Variants in GCH1 observed in about 807,000 individuals in gnomAD.
GCH1 encodes the protein GTP cyclohydrolase 1.
GCH1 carries 5 observed loss-of-function variants against 25.9 expected under a neutral mutation model. The ratio of observed to expected loss-of-function variants is 0.19; its 90% CI spans 0.10 to 0.41. The LOEUF (loss-of-function observed/expected upper bound fraction) is 0.41, where lower values mean the gene tolerates loss of function less well. GCH1 is among the 10% of genes least tolerant of loss of function. The pLI, the probability that GCH1 is intolerant of heterozygous loss-of-function variation, is 1.00. For missense variants in GCH1, 261 were observed against 336.5 expected (o/e 0.78, Z 1.75); for synonymous variants, 159 against 129.6 (o/e 1.23, Z -1.54).
At chr14:54,871,479 C>A (rs570235425) in intron 1 of GCH1, among the ~76,000 whole-genome samples, 15 of 152,220 alleles carry the variant, frequency 9.9e-5, no homozygotes, top group African/African-American at 3.4e-4. Context: ...TCACCAGCAA[C>A]GGAACAAAGC....
In GCH1 at chr14:54,843,832, G is replaced by A. The variant is rs748511211; in HGVS notation, c.*185C>T. On this transcript the variant is annotated 3_prime_UTR_variant, in exon 6 of 6. Transcript: ENST00000491895. ...GCCACAAAAAGGTGGCAAGAAGAAA[G>A]TAGAGGGCTCAACCCTTTATTATAT... 6.2e-7 allele frequency: 1 copy of A among 1,613,020 alleles called. No homozygotes were observed. The highest frequency in any genetic ancestry group is 1.1e-5 in the South Asian group (1 of 91,036).
At chr14:54,884,492 G>A (rs979587280) in intron 1 of GCH1, among the ~76,000 whole-genome samples, 7 of 152,076 alleles carry the variant, frequency 4.6e-5, no homozygotes, top group South Asian at 2.1e-4. Context: ...ACAGTAGGCC[G>A]GGCGCAGTGG....
intron 2 of GCH1, among the ~76,000 whole-genome samples, chr14:54,862,288 C>G (rs1361846589): frequency 1.3e-5 from 2 of 152,014 alleles, no homozygotes; most frequent in African/African-American, 4.8e-5. Flanking sequence ...ACCTTGACTT[C>G]CCAAGTCGCT....
intron 3 of GCH1, among the ~76,000 whole-genome samples, chr14:54,854,452 C>G (rs577780384): frequency 8.0e-4 from 122 of 152,216 alleles, no homozygotes; most frequent in African/African-American, 2.8e-3. Context: ...TTCTGCCTCA[C>G]TCCTCACCCC....
Position 54,843,322 on chromosome 14 carries a change from A to T in GCH1, c.*695T>A, listed in dbSNP as rs996768677. The T allele has an allele frequency of 1.4e-4, 191 of 1,319,506 alleles. 1 individual carries two copies. The highest frequency in any genetic ancestry group is 1.8e-4 in the Non-Finnish European group (187 of 1,038,660). 81.7% of individuals were successfully genotyped at this position (1,319,506 alleles called of 1,614,324 possible). A position where few individuals can be genotyped will look rare whatever the true frequency, so the allele number is the denominator to read the frequency against. On this transcript the variant is annotated 3_prime_UTR_variant, in exon 6 of 6. Transcript: ENST00000491895. ...CAAGGCACAGAGAGTTAAATGTCTA[A>T]ATCCCTGTATGTTGACACGAGAATA...
intron 1 of GCH1, among the ~76,000 whole-genome samples, chr14:54,894,593 T>C (rs2040461830): frequency 6.6e-6 from 1 of 152,204 alleles, no homozygotes; most frequent in South Asian, 2.1e-4. Flanking sequence ...TTATGTATAT[T>C]GATTTTTCTT....
chr14:54,869,078 A>C (rs1409802553), intron 1 of GCH1, among the ~76,000 whole-genome samples: 1 of 147,252 alleles, frequency 6.8e-6, no homozygotes, highest in Non-Finnish European at 1.5e-5. Flanking sequence ...TCACTCTGTC[A>C]CCCAGGCTGG....
intron 3 of GCH1, among the ~76,000 whole-genome samples, chr14:54,857,373 A>G (rs2039826997): frequency 6.6e-6 from 1 of 152,218 alleles, no homozygotes; most frequent in Admixed American, 6.5e-5. Flanking sequence ...GAATCACTCA[A>G]GAGTCCATTT....
chr14:54,851,443 G>A (rs1233954207), intron 3 of GCH1, among the ~76,000 whole-genome samples: 1 of 152,192 alleles, frequency 6.6e-6, no homozygotes, highest in Non-Finnish European at 1.5e-5. Flanking sequence ...GCAACCTACA[G>A]AATGGGAGAA....
At chr14:54,860,524 A>T (rs112201394) in intron 2 of GCH1, among the ~76,000 whole-genome samples, 10 of 147,354 alleles carry the variant, frequency 6.8e-5, no homozygotes, top group African/African-American at 2.0e-4. Context: ...GCTGCTAGAG[A>T]GTGCACCATC....
chr14:54,843,665 C>A lies in GCH1; in HGVS notation c.*352G>T, dbSNP rs2140038081. On this transcript the variant is annotated 3_prime_UTR_variant, in exon 6 of 6. Transcript: ENST00000491895. ...ATACTGGGCACAGTTCCCTCTCATT[C>A]CCAATGCTCCTATGCTTATGAGGCA... 1 of 1,575,600 alleles carries A rather than the reference C, an allele frequency of 6.3e-7. No individual in the cohort carries two copies. The highest frequency in any genetic ancestry group is 1.4e-5 in the African/African-American group (1 of 73,158).
At position 54,880,856 on chromosome 14, in the gene GCH1, TATACTCC is replaced by T. The variant is rs201177497; in HGVS notation, c.344-15427_344-15421del. On this transcript the variant is annotated intron_variant, in intron 1 of 5. Coordinates refer to ENST00000491895, the MANE Select transcript of GCH1 (RefSeq NM_000161.3). ...CATATATATATATACTCCATATATA[TATACTCC>T]ATAATATATGGAGTGTAATGCTGCA... Among the ~76,000 whole-genome samples, 109 of 90,730 alleles carry T rather than the reference TATACTCC, an allele frequency of 1.2e-3. 19 individuals are homozygous for T. Among genetic ancestry groups the T allele is most frequent in the African/African-American group, 6.4e-3 (87 of 13,592 alleles). 59.5% of individuals were successfully genotyped at this position (90,730 alleles called of 152,430 possible). A position where few individuals can be genotyped will look rare whatever the true frequency, so the allele number is the denominator to read the frequency against.
At chr14:54,886,249 C>CG (rs1351011800) in intron 1 of GCH1, 18 of 152,880 alleles carry the variant, frequency 1.2e-4, no homozygotes, top group African/African-American at 4.3e-4. Flanking sequence ...GCTTGGACAG[C>CG]ATTTTTCAAA....
At chr14:54,872,446 G>A (rs894714919) in intron 1 of GCH1, among the ~76,000 whole-genome samples, 1 of 152,122 alleles carries the variant, frequency 6.6e-6, no homozygotes, top group Non-Finnish European at 1.5e-5. Context: ...CAACTAACGA[G>A]CAAAATAACC....
intron 5 of GCH1, among the ~76,000 whole-genome samples, chr14:54,845,392 C>T (rs576249023): frequency 2.2e-4 from 33 of 151,638 alleles, no homozygotes; most frequent in African/African-American, 7.3e-4. Context: ...GCAGGAGAAT[C>T]GCTTGAACCC....
In GCH1 at chr14:54,843,102, A is replaced by G. The variant is rs1566658135; in HGVS notation, c.*915T>C. 6.8e-7 allele frequency: 1 copy of G among 1,473,004 alleles called. No individual in the cohort carries two copies. 91.2% of individuals were successfully genotyped at this position (1,473,004 alleles called of 1,614,324 possible). A position where few individuals can be genotyped will look rare whatever the true frequency, so the allele number is the denominator to read the frequency against. ...AATGTTTCTGGAAATACTTAGAAAA[A>G]TATCTTATAAGATTAAAAAAAAGAA... On this transcript the variant is annotated 3_prime_UTR_variant, in exon 6 of 6. Coordinates refer to ENST00000491895, the MANE Select transcript of GCH1 (RefSeq NM_000161.3).
chr14:54,895,203 G>C (rs2040468922), intron 1 of GCH1, among the ~76,000 whole-genome samples: 1 of 152,198 alleles, frequency 6.6e-6, no homozygotes, highest in East Asian at 1.9e-4. Context: ...TAATCTTCCA[G>C]TGAAAATGGC....
chr14:54,847,190 C>T, intron 3 of GCH1, 60 bp from the exon 4 acceptor site: 1 of 692,380 alleles, frequency 1.4e-6, no homozygotes, highest in South Asian at 1.6e-5. Flanking sequence ...ATTGATAAGC[C>T]TTCCTCATAA....
intron 1 of GCH1, among the ~76,000 whole-genome samples, chr14:54,900,254 G>C (rs2040544793): frequency 6.6e-6 from 1 of 151,638 alleles, no homozygotes; most frequent in South Asian, 2.1e-4. Flanking sequence ...CTGTCGTCCA[G>C]GCTGGAGTGC....
Sources: gnomAD v4.1 joint callset for allele counts (sites outside exome capture counted in the v4.1 genomes callset) on GRCh38, gnomAD v4.1.1 for gene constraint, MANE v1.5 for transcripts, NCBI Gene and HGNC (gene_info 2026-07-23, HGNC 2026-07-21) for gene names.